The following SLC51A variants were observed in gnomAD, a reference collection of about 807,000 sequenced individuals.
SLC51A encodes the protein organic solute transporter subunit alpha.
Under a neutral mutation model 34.8 loss-of-function variants are expected in SLC51A, and 22 were observed. The ratio of observed to expected loss-of-function variants is 0.63; its 90% CI spans 0.45 to 0.90. The LOEUF is 0.90. SLC51A is among the 40% of genes least tolerant of loss of function. SLC51A has a pLI of 0.00. For synonymous variants in SLC51A, 181 were observed against 176.3 expected (o/e 1.03, Z -0.21); for missense variants, 371 against 414.8 (o/e 0.89, Z 0.92).
At chr3:196,232,909 C>A in intron 8 of SLC51A, 154 bp from the exon 9 acceptor site, 1 of 771,964 alleles carries the variant, frequency 1.3e-6, no homozygotes, top group Non-Finnish European at 2.1e-6. Context: ...CTACCATTAA[C>A]CCGCTGTGTT....
In SLC51A at chr3:196,221,292, T is replaced by C. The variant is rs143759934; in HGVS notation, c.133+3356T>C. 5.0e-3 allele frequency among the ~76,000 whole-genome samples: 761 copies of C among 151,998 alleles called. 6 individuals carry two copies. The highest frequency in any genetic ancestry group is 0.018 in the African/African-American group (732 of 41,456). On this transcript the variant is annotated intron_variant, in intron 2 of 8. Transcript: ENST00000296327. ...GAGAGAGAAAAAAAAGCTATTATTC[T>C]AGAAGAATGATTGAATCAATTTTTT...
intron 2 of SLC51A, among the ~76,000 whole-genome samples, chr3:196,219,568 G>A (rs576613274): frequency 6.6e-5 from 10 of 152,342 alleles, no homozygotes; most frequent in African/African-American, 1.2e-4. Flanking sequence ...GCCAGTGTCC[G>A]GAGATGCCTG....
Position 196,227,004 on chromosome 3 carries a change from C to G in SLC51A, c.173C>G (p.Thr58Ser), listed in dbSNP as rs751828154. ...GAACTTGCCCTCACTAGCATCCTGA[C>G]CTTGCTGGCGCTGGGCTCCATTGCC... Reference protein sequence around the residue: ...PVELALTSILTLLALGSIAIF... With the variant: ...PVELALTSILSLLALGSIAIF... Residue 58 changes from threonine (T) to serine (S), a missense_variant, in exon 3 of 9, where the codon ACC (threonine) becomes AGC (serine). Coordinates refer to ENST00000296327, the MANE Select transcript of SLC51A (RefSeq NM_152672.6). The G allele has an allele frequency of 1.9e-6, 3 of 1,614,002 alleles. No individual in the cohort carries two copies. The highest frequency in any genetic ancestry group is 3.3e-5 in the Admixed American group (2 of 60,000).
rs1260410786 is a variant in SLC51A, at chr3:196,216,900, G to A, written c.38+150G>A. 1 of 895,166 alleles carries A rather than the reference G, an allele frequency of 1.1e-6. No homozygotes were observed. The highest frequency in any genetic ancestry group is 1.7e-6 in the Non-Finnish European group (1 of 597,794). 55.5% of individuals were successfully genotyped at this position (895,166 alleles called of 1,614,324 possible). A position where few individuals can be genotyped will look rare whatever the true frequency, so the allele number is the denominator to read the frequency against. ...GCTCTAGCTGTTCCTAGGTCCTCAGGGACAACGTGGGTTTGGGCCAGGGTG... is the reference window on the plus strand; with the variant it reads ...GCTCTAGCTGTTCCTAGGTCCTCAGAGACAACGTGGGTTTGGGCCAGGGTG... On this transcript the variant is annotated intron_variant, in intron 1 of 8. Coordinates refer to ENST00000296327, the MANE Select transcript of SLC51A (RefSeq NM_152672.6). This position sits in a 1 kb window ranked among gnomAD's most constrained non-coding sequence, Gnocchi z 4.5.
chr3:196,233,099 T>C lies in SLC51A; in HGVS notation c.923T>C (p.Leu308Pro), dbSNP rs758803413. The part of the protein sequence containing the change: ...NCHLLILETF[L>P]MTVLTRMYYR... ...CACCTCCTCATACTGGAGACTTTTC[T>C]AATGACTGTGCTGACACGAATGTAC... The change falls in exon 9 of 9, where the codon CTA becomes CCA. Residue 308 changes from leucine (L) to proline (P), a missense_variant. By Grantham distance (98) the Leu-to-Pro change is moderately conservative. Transcript: ENST00000296327. The C allele has an allele frequency of 2.0e-5, 33 of 1,614,082 alleles. No individual in the cohort carries two copies. Among genetic ancestry groups the C allele is most frequent in the Non-Finnish European group, 2.5e-5 (30 of 1,180,022 alleles).
chr3:196,217,937 G>A lies in SLC51A; in HGVS notation c.133+1G>A. 1 of 1,611,496 alleles carries A rather than the reference G, an allele frequency of 6.2e-7. No homozygotes were observed. Among genetic ancestry groups the A allele is most frequent in the Non-Finnish European group, 8.5e-7 (1 of 1,178,826 alleles). On this transcript the variant is annotated splice_donor_variant, in intron 2 of 8. Coordinates refer to ENST00000296327, the MANE Select transcript of SLC51A (RefSeq NM_152672.6). LOFTEE classifies it high-confidence loss of function. ...CCCACAGCAGCCCAACTCCTGAGAG[G>A]TGAGTGGGGACCCTCCTCAGAGGGA... is the stretch of plus-strand genomic sequence containing the variant.
chr3:196,227,792 G>A (rs1256061046), intron 4 of SLC51A, 55 bp downstream of exon 4: 1 of 1,512,676 alleles, frequency 6.6e-7, no homozygotes, highest in East Asian at 2.3e-5. Flanking sequence ...CGCTCACCAG[G>A]ACTCGAGTCC....
At chr3:196,220,893 T>TTC (rs1459808348) in intron 2 of SLC51A, among the ~76,000 whole-genome samples, 1 of 145,000 alleles carries the variant, frequency 6.9e-6, no homozygotes, top group Non-Finnish European at 1.5e-5. Context: ...AATTTTTCTT[T>TTC]TTTTTTTTTT....
intron 2 of SLC51A, chr3:196,225,758 T>C (rs935429968): frequency 1.3e-5 from 2 of 152,226 alleles, no homozygotes; most frequent in African/African-American, 4.8e-5. Flanking sequence ...GGTCTACCAG[T>C]ATTTGTCAAA....
intron 2 of SLC51A, among the ~76,000 whole-genome samples, chr3:196,219,334 A>G (rs1438541475): frequency 6.6e-6 from 1 of 152,208 alleles, no homozygotes; most frequent in African/African-American, 2.4e-5. Flanking sequence ...CGGCCCGAGC[A>G]TGCTTAGAGA....
chr3:196,226,264 G>A (rs1723890292), intron 2 of SLC51A, among the ~76,000 whole-genome samples: 1 of 152,156 alleles, frequency 6.6e-6, no homozygotes, highest in South Asian at 2.1e-4. Flanking sequence ...CAAGGTTGCA[G>A]TGAGCCATGA....
At chr3:196,227,363 T>TCCTTG in intron 3 of SLC51A, 1 of 593,254 alleles carries the variant, frequency 1.7e-6, no homozygotes, top group Non-Finnish European at 3.0e-6. Flanking sequence ...AGCCGCCTCA[T>TCCTTG]CCTTGCTCCC....
chr3:196,227,575 G>A (rs776478238), intron 3 of SLC51A, 89 bp from the exon 4 acceptor site: 1 of 1,113,076 alleles, frequency 9.0e-7, no homozygotes, highest in Admixed American at 1.7e-5. Context: ...GAATGTGTAG[G>A]TTTTGCCTCC....
At chr3:196,231,209 C>T (rs1003215292) in intron 7 of SLC51A, among the ~76,000 whole-genome samples, 1 of 152,172 alleles carries the variant, frequency 6.6e-6, no homozygotes, top group Non-Finnish European at 1.5e-5. Flanking sequence ...ACATAAGGAA[C>T]GGGGCTAGAA....
At chr3:196,229,803 T>G in intron 6 of SLC51A, 112 bp from the exon 7 acceptor site, 1 of 1,288,330 alleles carries the variant, frequency 7.8e-7, no homozygotes, top group African/African-American at 1.5e-5. Context: ...CAGTGAGCTA[T>G]CATTGCACCT....
chr3:196,216,763 G>C lies in SLC51A; in HGVS notation c.38+13G>C. On this transcript the variant is annotated intron_variant, in intron 1 of 8. Coordinates refer to ENST00000296327, the MANE Select transcript of SLC51A (RefSeq NM_152672.6). This position sits in a 1 kb window ranked among gnomAD's most constrained non-coding sequence, Gnocchi z 4.5. ...AGCTTGACCCCAGGTAAGTGAGGGC[G>C]GCGGGCCCTGGGCCAGTCGCTGGGC... The C allele has an allele frequency of 6.4e-7, 1 of 1,568,430 alleles. No homozygotes were observed. The highest frequency in any genetic ancestry group is 8.6e-7 in the Non-Finnish European group (1 of 1,156,526).
At chr3:196,218,129 T>C (rs1216879722) in intron 2 of SLC51A, among the ~76,000 whole-genome samples, 193 bp downstream of exon 2, 1 of 152,198 alleles carries the variant, frequency 6.6e-6, no homozygotes, top group Non-Finnish European at 1.5e-5. Flanking sequence ...AAGGGTAGCA[T>C]GAGAGCCTGG....
At chr3:196,227,541 G>C in intron 3 of SLC51A, 123 bp from the exon 4 acceptor site, 1 of 806,982 alleles carries the variant, frequency 1.2e-6, no homozygotes, top group Non-Finnish European at 2.1e-6. Context: ...TTTCCAGCTG[G>C]CAACGTTTAA....
At chr3:196,232,999 T>C in intron 8 of SLC51A, 64 bp from the exon 9 acceptor site, 1 of 1,539,202 alleles carries the variant, frequency 6.5e-7, no homozygotes, top group Admixed American at 1.8e-5. Flanking sequence ...GTGCCCGGGC[T>C]GCTAGTAAAA....
Sources: gnomAD v4.1 joint callset for allele counts (sites outside exome capture counted in the v4.1 genomes callset) on GRCh38, gnomAD v4.1.1 for gene constraint, Gnocchi (gnomAD v3.1) non-coding constraint, MANE v1.5 for transcripts, NCBI Gene and HGNC (gene_info 2026-07-23, HGNC 2026-07-21) for gene names.